Variants in ADCY3 observed in about 807,000 individuals in gnomAD.
The protein encoded by ADCY3 is adenylate cyclase type 3.
In ADCY3, 70 loss-of-function variants were observed where a neutral mutation model predicts 119.4. The observed-to-expected ratio is 0.59, with a 90% CI of 0.48 to 0.72. The LOEUF is 0.72. Among genes scored for constraint, ADCY3 ranks in the 30% least tolerant of loss-of-function variants. The pLI is 0.00. For synonymous variants in ADCY3, 672 were observed against 621.4 expected (o/e 1.08, Z -1.21); for missense variants, 1,238 against 1,541.6 (o/e 0.80, Z 3.30).
chr2:24,888,295 G>A (rs1677299277), intron 2 of ADCY3, among the ~76,000 whole-genome samples: 1 of 152,218 alleles, frequency 6.6e-6, no homozygotes, highest in South Asian at 2.1e-4. Context: ...GGGCCCTGCA[G>A]TGTAGCTGCA....
chr2:24,855,972 C>T (rs935861584), intron 3 of ADCY3, among the ~76,000 whole-genome samples: 1 of 152,184 alleles, frequency 6.6e-6, no homozygotes, highest in East Asian at 1.9e-4. Context: ...AGGCAGCCAG[C>T]ACTGTTCCCA....
chr2:24,826,111 A>T lies in ADCY3; in HGVS notation c.2511T>A (p.Pro837=), dbSNP rs932956502. The change falls in exon 16 of 22, where the codon CCT becomes CCA. Residue 837 remains proline (P), a synonymous_variant. Coordinates refer to ENST00000679454, the MANE Select transcript of ADCY3 (RefSeq NM_004036.5). ...LNGTDRLPLV[P]SKYSMTVMVF... is the part of the protein sequence containing the mutation. The stretch of plus-strand genomic sequence containing the variant: ...CCATCACCGTCATAGAGTACTTGGA[A>T]GGCACCAGGGGCAGCCTGCTGGGCA... 2.5e-6 allele frequency: 4 copies of T among 1,613,926 alleles called. No homozygotes were observed. The highest frequency in any genetic ancestry group is 2.7e-5 in the African/African-American group (2 of 74,886).
intron 2 of ADCY3, among the ~76,000 whole-genome samples, chr2:24,891,126 C>T (rs2148933904): frequency 6.6e-6 from 1 of 152,270 alleles, no homozygotes; most frequent in East Asian, 1.9e-4. Context: ...GCCTTGGCCT[C>T]CCAAAGTGCT....
At chr2:24,863,888 T>TG (rs1416545347) in intron 3 of ADCY3, among the ~76,000 whole-genome samples, 1 of 152,170 alleles carries the variant, frequency 6.6e-6, no homozygotes, top group East Asian at 1.9e-4. Context: ...AGGAATCCTT[T>TG]GGGGAGGGTT....
intron 13 of ADCY3, 130 bp from the exon 14 acceptor site, chr2:24,828,291 T>TG (rs1668914105): frequency 8.9e-7 from 1 of 1,124,300 alleles, no homozygotes; most frequent in Admixed American, 2.5e-5. Context: ...CCGGGAAAGA[T>TG]GGGGAAATTT....
rs768576678 is a variant in ADCY3 at position 24,820,670 on chromosome 2, G to A, written c.3252+54C>T. 234 of 1,608,906 alleles carry A rather than the reference G, an allele frequency of 1.5e-4. 1 individual carries two copies. Among genetic ancestry groups the A allele is most frequent in the Admixed American group, 7.0e-4 (42 of 59,782 alleles). ...GGGGCACGTGGGAAAGCACTGTTCC[G>A]GTTTTGTTCTCATGCCGAGTCTGAG... On this transcript the variant is annotated intron_variant, in intron 21 of 21. Coordinates refer to ENST00000679454, the MANE Select transcript of ADCY3 (RefSeq NM_004036.5).
At chr2:24,903,933 C>T (rs913211668) in intron 2 of ADCY3, among the ~76,000 whole-genome samples, 2 of 152,158 alleles carry the variant, frequency 1.3e-5, no homozygotes, top group Non-Finnish European at 2.9e-5. Flanking sequence ...TGAAAGGAAC[C>T]GAGCTCCATG....
intron 11 of ADCY3, among the ~76,000 whole-genome samples, chr2:24,833,249 G>T (rs145805314): frequency 6.6e-6 from 1 of 152,154 alleles, no homozygotes; most frequent in Admixed American, 6.5e-5. Context: ...CTGCAGTGGC[G>T]TGTAGGAGGC....
At chr2:24,902,816 G>A (rs1486705497) in intron 2 of ADCY3, among the ~76,000 whole-genome samples, 2 of 152,128 alleles carry the variant, frequency 1.3e-5, no homozygotes, top group Admixed American at 6.5e-5. Flanking sequence ...GATCACCTGA[G>A]GGCAGGAGTT....
At chr2:24,837,580 C>T (rs1432733178) in intron 8 of ADCY3, among the ~76,000 whole-genome samples, 5 of 152,322 alleles carry the variant, frequency 3.3e-5, no homozygotes, top group East Asian at 1.9e-4. Flanking sequence ...TCAAATGACA[C>T]GACTTCCCTG....
chr2:24,824,637 C>G, intron 16 of ADCY3, 101 bp from the exon 17 acceptor site: 3 of 1,389,080 alleles, frequency 2.2e-6, no homozygotes, highest in Non-Finnish European at 3.0e-6. Flanking sequence ...GCCTGTAATC[C>G]CAGCACTTTG....
chr2:24,841,513 A>C lies in ADCY3; in HGVS notation c.1068+43T>G, dbSNP rs1487533347. ...GGATGGGGGCCAGGCAGAGGCCATG[A>C]GGGCAGGCCCCGCTGGAGAGCCAGG... is the stretch of plus-strand genomic sequence containing the variant. On this transcript the variant is annotated intron_variant, in intron 5 of 21. Coordinates refer to ENST00000679454, the MANE Select transcript of ADCY3 (RefSeq NM_004036.5). The surrounding 1 kb of genome is among the most constrained non-coding windows in gnomAD (Gnocchi z 5.8). The C allele has an allele frequency of 6.3e-7, 1 of 1,598,270 alleles. No individual in the cohort carries two copies. The highest frequency in any genetic ancestry group is 2.2e-5 in the East Asian group (1 of 44,588).
chr2:24,834,711 G>A lies in ADCY3; in HGVS notation c.1806-65C>T, dbSNP rs1398948637. 1.5e-5 allele frequency: 24 copies of A among 1,602,302 alleles called. No homozygotes were observed. Among genetic ancestry groups the A allele is most frequent in the Middle Eastern group, 1.7e-4 (1 of 5,902 alleles). On this transcript the variant is annotated intron_variant, in intron 10 of 21. Transcript: ENST00000679454. The surrounding 1 kb of genome is among the most constrained non-coding windows in gnomAD (Gnocchi z 4.2). ...TCTGCCTTGGCCTAGCAGGGGGGCC[G>A]TATTTGGGATGCTCAGTTTCCTGAA...
Position 24,828,105 on chromosome 2 carries a change from C to A in ADCY3, c.2229G>T (p.Thr743=). The A allele has an allele frequency of 6.2e-7, 1 of 1,614,096 alleles. No individual in the cohort carries two copies. The highest frequency in any genetic ancestry group is 8.5e-7 in the Non-Finnish European group (1 of 1,180,028). ...TGGGGTTCTCCAGGCAGCTGCCCTC[C>A]GTTTCCATCCCTGCCGTTGCATTGC... ...GPSNATAGME[T]EGSCLENPKY... Residue 743 remains threonine, a synonymous_variant, in exon 14 of 22, where the codon ACG becomes ACT. Coordinates refer to ENST00000679454, the MANE Select transcript of ADCY3 (RefSeq NM_004036.5).
chr2:24,894,788 C>T (rs1422862276), intron 2 of ADCY3, among the ~76,000 whole-genome samples: 1 of 151,958 alleles, frequency 6.6e-6, no homozygotes, highest in Non-Finnish European at 1.5e-5. Context: ...TTTTGTACTA[C>T]AGGTCTGCTG....
intron 3 of ADCY3, among the ~76,000 whole-genome samples, chr2:24,870,603 C>T (rs1433217344): frequency 1.3e-5 from 2 of 152,206 alleles, no homozygotes; most frequent in South Asian, 4.1e-4. Context: ...GCCACTGCAG[C>T]GTGGGCAGGC....
intron 21 of ADCY3, 145 bp from the exon 22 acceptor site, chr2:24,820,259 C>CCCTT: frequency 8.3e-7 from 1 of 1,200,988 alleles, no homozygotes. Context: ...CAGGGCCAAG[C>CCCTT]CCTTCCACCC....
intron 2 of ADCY3, among the ~76,000 whole-genome samples, chr2:24,908,038 T>C (rs6733224): frequency 0.53 from 78,947 of 149,666 alleles, 22,682 homozygotes; most frequent in African/African-American, 0.79. Context: ...AGTAGACAAA[T>C]GAGCCAAGCG....
At chr2:24,886,783 TG>T (rs1412579266) in intron 2 of ADCY3, among the ~76,000 whole-genome samples, 1 of 152,188 alleles carries the variant, frequency 6.6e-6, no homozygotes, top group Non-Finnish European at 1.5e-5. Flanking sequence ...GAGCCTGCCC[TG>T]GGGAGGGGAA....
Sources: gnomAD v4.1 joint callset for allele counts (sites outside exome capture counted in the v4.1 genomes callset) on GRCh38, gnomAD v4.1.1 for gene constraint, Gnocchi (gnomAD v3.1) non-coding constraint, MANE v1.5 for transcripts, NCBI Gene and HGNC (gene_info 2026-07-23, HGNC 2026-07-21) for gene names.